Variants in PFKM observed in about 807,000 individuals in gnomAD.
PFKM encodes phosphofructokinase, muscle.
In PFKM, 58 loss-of-function variants were observed where a neutral mutation model predicts 95.5. The observed-to-expected ratio is 0.61, with a 90% CI of 0.49 to 0.76. The LOEUF (loss-of-function observed/expected upper bound fraction) is 0.76. Among genes scored for constraint, PFKM ranks in the 30% least tolerant of loss-of-function variants. The pLI is 0.00. For missense variants in PFKM, 678 were observed against 1,005.4 expected (o/e 0.67, Z 4.40); for synonymous variants, 336 against 357.2 (o/e 0.94, Z 0.67).
At chr12:48,116,325 C>G (rs555360073), upstream of PFKM, among the ~76,000 whole-genome samples, 1 of 151,122 alleles carries the variant, frequency 6.6e-6, no homozygotes, top group East Asian at 2.0e-4. Flanking sequence ...TGATAATAGC[C>G]ATCCTAATGG....
At chr12:48,132,768 G>A in intron 4 of PFKM, 100 bp from the exon 5 acceptor site, 2 of 1,010,942 alleles carry the variant, frequency 2.0e-6, no homozygotes, top group Non-Finnish European at 3.0e-6. Context: ...ACTTTCTAGG[G>A]AGTCACACAG....
chr12:48,106,493 A>C (rs1343459453), intron 1 of PFKM: 2 of 294,012 alleles, frequency 6.8e-6, no homozygotes, highest in Admixed American at 4.9e-5. Context: ...TGAGATCTAA[A>C]TCGATCTCAG....
Position 48,145,265 on chromosome 12 carries a change from G to A in PFKM, c.2148G>A (p.Arg716=), listed in dbSNP as rs1334168680. ...DSGCVLGMRK[R]ALVFQPVAEL... is the part of the protein sequence containing the mutation. ...GCTGTGTTCTGGGGATGCGTAAGAG[G>A]GCTCTGGTCTTCCAACCAGTGGCTG... The change falls in exon 22 of 23, where the codon AGG becomes AGA. Residue 716 remains arginine (R), a synonymous_variant. Transcript: ENST00000359794. The surrounding 1 kb of genome is among the most constrained non-coding windows in gnomAD (Gnocchi z 4.3). 3.1e-6 allele frequency: 5 copies of A among 1,614,018 alleles called. No individual in the cohort carries two copies.
chr12:48,109,994 G>A (rs1306676342), intron 3 of PFKM, among the ~76,000 whole-genome samples: 1 of 152,210 alleles, frequency 6.6e-6, no homozygotes, highest in Non-Finnish European at 1.5e-5. Context: ...TTATAGTCTT[G>A]TGGGACTAAG....
At chr12:48,134,109 C>A in intron 6 of PFKM, 123 bp from the exon 7 acceptor site, 1 of 827,408 alleles carries the variant, frequency 1.2e-6, no homozygotes, top group Non-Finnish European at 2.2e-6. Context: ...TCTCAGGAAG[C>A]CTGCTAGAAG....
chr12:48,140,667 C>A, intron 13 of PFKM, 55 bp from the exon 14 acceptor site: 1 of 1,591,712 alleles, frequency 6.3e-7, no homozygotes, highest in Non-Finnish European at 8.6e-7. Flanking sequence ...CTAACCTCCT[C>A]CCTGTTCCCC....
At chr12:48,122,355 A>C (rs1948376439) in intron 1 of PFKM, among the ~76,000 whole-genome samples, 1 of 152,156 alleles carries the variant, frequency 6.6e-6, no homozygotes, top group Non-Finnish European at 1.5e-5. Context: ...CAGTGCCCTA[A>C]ACCTCATCTG....
chr12:48,128,993 G>A (rs1461556317), intron 2 of PFKM, among the ~76,000 whole-genome samples: 1 of 152,102 alleles, frequency 6.6e-6, no homozygotes, highest in Non-Finnish European at 1.5e-5. Flanking sequence ...GCTTAGCAGA[G>A]GATCAGTGCA....
intron 3 of PFKM, among the ~76,000 whole-genome samples, chr12:48,112,061 G>C (rs545270399): frequency 6.6e-6 from 1 of 152,258 alleles, no homozygotes; most frequent in African/African-American, 2.4e-5. Flanking sequence ...GGATAAAAAG[G>C]CTACAGGGCG....
At chr12:48,140,527 G>C (rs1158643417) in intron 13 of PFKM, among the ~76,000 whole-genome samples, 195 bp from the exon 14 acceptor site, 1 of 152,226 alleles carries the variant, frequency 6.6e-6, no homozygotes, top group Non-Finnish European at 1.5e-5. Context: ...CTGTGATCAA[G>C]AATTTTGCTT....
chr12:48,116,407 G>A (rs1033438481), upstream of PFKM, among the ~76,000 whole-genome samples: 1 of 152,030 alleles, frequency 6.6e-6, no homozygotes, highest in African/African-American at 2.4e-5. Flanking sequence ...TTGATGTTGA[G>A]CATCTTTTCT....
chr12:48,143,703 C>A, intron 18 of PFKM, 50 bp from the exon 19 acceptor site: 1 of 1,334,520 alleles, frequency 7.5e-7, no homozygotes, highest in African/African-American at 1.4e-5. Context: ...GATTTATACC[C>A]AACCTTATCC....
upstream of PFKM, among the ~76,000 whole-genome samples, chr12:48,117,968 G>T (rs996895977): frequency 1.2e-4 from 19 of 152,328 alleles, no homozygotes; most frequent in Middle Eastern, 3.4e-3. Flanking sequence ...TTGGAAATTG[G>T]TGAAAAGAGT....
intron 3 of PFKM, among the ~76,000 whole-genome samples, chr12:48,109,063 G>A (rs1946957701): frequency 1.3e-5 from 2 of 152,152 alleles, no homozygotes; most frequent in Non-Finnish European, 1.5e-5. Context: ...AGACTCTGTA[G>A]GAAATGAGAA....
At chr12:48,107,502 C>T (rs748833926) in intron 2 of PFKM, 2 of 1,259,634 alleles carry the variant, frequency 1.6e-6, no homozygotes, top group South Asian at 2.4e-5. Context: ...AATGGGTTCT[C>T]TCACAAGAAG....
In PFKM at chr12:48,106,277, T is replaced by G. The variant is rs530783211; in HGVS notation, c.-10+140T>G. 3.8e-4 allele frequency: 225 copies of G among 598,402 alleles called. No individual in the cohort carries two copies. In the South Asian group the frequency reaches 4.3e-3, roughly 11 times the overall value. 37.1% of individuals were successfully genotyped at this position (598,402 alleles called of 1,614,324 possible). A position where few individuals can be genotyped will look rare whatever the true frequency, so the allele number is the denominator to read the frequency against. On this transcript the variant is annotated intron_variant, in intron 1 of 24. Transcript: ENST00000340802. ...CGTAATTTCTCAGTACCCTTTTCAG[T>G]CTGGGCTTTTTCGCTTTCTCGTACT... is the stretch of plus-strand genomic sequence containing the variant.
At chr12:48,108,051 C>G in intron 2 of PFKM, 3 of 1,598,722 alleles carry the variant, frequency 1.9e-6, no homozygotes, top group Non-Finnish European at 2.5e-6. Context: ...TTGAGGGTGA[C>G]CTAAAGCTAT....
rs2137759465 is a variant in PFKM, at chr12:48,119,367, C to T, written c.-48C>T. 1 of 985,702 alleles carries T rather than the reference C, an allele frequency of 1.0e-6. No homozygotes were observed. The highest frequency in any genetic ancestry group is 1.2e-6 in the Non-Finnish European group (1 of 830,078). The allele number at this position is 985,702 out of a possible 1,614,324, so 61.1% of individuals were successfully genotyped here. A position where few individuals can be genotyped will look rare whatever the true frequency, so the allele number is the denominator to read the frequency against. ...CCCTCCCCCCTTTCCCAAGGACAAT[C>T]TGCAAGAAAGCAGCGGCGGAGGAGA... On this transcript the variant is annotated 5_prime_UTR_variant, in exon 1 of 23. Transcript: ENST00000359794.
chr12:48,106,833 C>G (rs560609510), intron 1 of PFKM, among the ~76,000 whole-genome samples: 2 of 152,186 alleles, frequency 1.3e-5, no homozygotes, highest in African/African-American at 4.8e-5. Flanking sequence ...TGGGAGCCCA[C>G]TAGAGATCTG....
Sources: allele counts gnomAD v4.1 joint callset (sites outside exome capture counted in the v4.1 genomes callset), GRCh38; gene constraint gnomAD v4.1.1; non-coding constraint Gnocchi (gnomAD v3.1); transcripts MANE v1.5; gene names NCBI Gene and HGNC (gene_info 2026-07-23, HGNC 2026-07-21).